NR4A1: variants seen among roughly 807,000 people sequenced by gnomAD.
NR4A1 encodes the protein nuclear receptor subfamily 4immunitygroup A member 1.
Under a neutral mutation model 47.5 loss-of-function variants are expected in NR4A1, and 24 were observed. That is an observed-to-expected ratio of 0.50 (90% CI 0.37 to 0.71). The LOEUF (loss-of-function observed/expected upper bound fraction) is 0.71, where lower values mean the gene tolerates loss of function less well. NR4A1 is among the 30% of genes least tolerant of loss of function. The pLI, the probability that NR4A1 is intolerant of heterozygous loss-of-function variation, is 0.00. For synonymous variants in NR4A1, 353 were observed against 345.7 expected (o/e 1.02, Z -0.24); for missense variants, 669 against 788.6 (o/e 0.85, Z 1.82).
intron 1 of NR4A1, chr12:52,038,768 G>A: frequency 1.3e-6 from 1 of 764,140 alleles, no homozygotes; most frequent in Non-Finnish European, 2.4e-6. Context: ...GCAGAAGGAT[G>A]GGCCGAGATT....
intron 1 of NR4A1, among the ~76,000 whole-genome samples, chr12:52,035,242 C>T (rs973719711): frequency 2.0e-5 from 3 of 152,176 alleles, no homozygotes; most frequent in South Asian, 2.1e-4. Context: ...CCAAAGCGTG[C>T]GTGTTCTGGC....
intron 1 of NR4A1, among the ~76,000 whole-genome samples, chr12:52,039,924 C>T (rs1226522844): frequency 2.0e-5 from 3 of 152,156 alleles, no homozygotes; most frequent in African/African-American, 2.4e-5. Flanking sequence ...AGAAGGCCCA[C>T]GTGATGGGAC....
Position 52,056,800 on chromosome 12 carries a change from C to A in NR4A1, c.1158+155C>A, listed in dbSNP as rs537817345. On this transcript the variant is annotated intron_variant, in intron 4 of 6. Coordinates refer to ENST00000394825, the MANE Select transcript of NR4A1 (RefSeq NM_173157.3). The stretch of plus-strand genomic sequence containing the variant: ...AGCGACTCCCTCCAGTTCGACAGAT[C>A]AAAGAGAGGATCCCCCTCTCGGCTG... The A allele has an allele frequency of 1.1e-4, 101 of 950,106 alleles. No homozygotes were observed. In the African/African-American group the frequency reaches 1.4e-3, roughly 13 times the overall value. 58.9% of individuals were successfully genotyped at this position (950,106 alleles called of 1,614,324 possible). A position where few individuals can be genotyped will look rare whatever the true frequency, so the allele number is the denominator to read the frequency against.
chr12:52,041,669 G>A, intron 1 of NR4A1: 1 of 949,762 alleles, frequency 1.1e-6, no homozygotes, highest in Non-Finnish European at 1.4e-6. Context: ...ACCCGGGGAG[G>A]TCCTTGGGCG....
At chr12:52,038,096 G>T (rs1019354569) in intron 1 of NR4A1, 2 of 967,962 alleles carry the variant, frequency 2.1e-6, no homozygotes, top group Non-Finnish European at 2.4e-6. Flanking sequence ...ATGGAGTCTC[G>T]CTCTGTTGCC....
intron 1 of NR4A1, among the ~76,000 whole-genome samples, chr12:52,033,963 T>C (rs1938185549): frequency 6.6e-6 from 1 of 152,032 alleles, no homozygotes; most frequent in African/African-American, 2.4e-5. Context: ...AGGATGGAGG[T>C]GGAGTGGAAG....
At chr12:52,025,428 T>C (rs2120899698) in intron 1 of NR4A1, among the ~76,000 whole-genome samples, 1 of 152,234 alleles carries the variant, frequency 6.6e-6, no homozygotes, top group South Asian at 2.1e-4. Context: ...TTTCCCCATC[T>C]CAGCGCCTTC....
In NR4A1 at chr12:52,054,801, TCGGCCA is replaced by T; in HGVS notation, c.475_480del (p.Gly159_His160del). The T allele has an allele frequency of 6.2e-7, 1 of 1,613,296 alleles. No homozygotes were observed. ...CAGCTCTCTCCCTGGGATGGCTCCTTCGGCCACTTCTCGCCCAGCCAGACTTACGAA... is the reference window on the plus strand; with the variant it reads ...CAGCTCTCTCCCTGGGATGGCTCCTTCTTCTCGCCCAGCCAGACTTACGAA... On this transcript the variant is annotated inframe_deletion, in exon 2 of 7. Coordinates refer to ENST00000394825, the MANE Select transcript of NR4A1 (RefSeq NM_173157.3).
At chr12:52,057,882 C>A (rs1350614796) in intron 6 of NR4A1, among the ~76,000 whole-genome samples, 2 of 152,232 alleles carry the variant, frequency 1.3e-5, no homozygotes, top group Non-Finnish European at 2.9e-5. Context: ...ACCGCACTTA[C>A]CCAACCAGCG....
At chr12:52,052,550 C>T in intron 1 of NR4A1, 1 of 985,464 alleles carries the variant, frequency 1.0e-6, no homozygotes, top group Non-Finnish European at 1.2e-6. Context: ...ACATTGTTGC[C>T]AAGACCTGCC....
chr12:52,058,436 C>T (rs1882116), intron 6 of NR4A1: 107,356 of 512,524 alleles, frequency 0.21, 13,740 homozygotes, highest in Admixed American at 0.43. Context: ...TTTTATTTCC[C>T]GTTTGTGACC....
At chr12:52,052,317 G>GAGAGAGAGAGAGAGAGAGAGAGAA (rs1939021815) in intron 1 of NR4A1, among the ~76,000 whole-genome samples, 1 of 150,968 alleles carries the variant, frequency 6.6e-6, no homozygotes, top group African/African-American at 2.5e-5. Flanking sequence ...GAGAGAGAGA[G>GAGAGAGAGAGAGAGAGAGAGAGAA]AGAGAGAGAG....
At chr12:52,031,441 A>G (rs1753783756) in intron 1 of NR4A1, among the ~76,000 whole-genome samples, 1 of 151,620 alleles carries the variant, frequency 6.6e-6, no homozygotes. Context: ...GTGTGAGACC[A>G]GCCTGGCCCA....
At chr12:52,051,234 C>G (rs1209642173), upstream of NR4A1, among the ~76,000 whole-genome samples, 1 of 152,162 alleles carries the variant, frequency 6.6e-6, no homozygotes, top group Non-Finnish European at 1.5e-5. Flanking sequence ...GCGTGCGTCA[C>G]GCGCGCAGAC....
intron 1 of NR4A1, among the ~76,000 whole-genome samples, chr12:52,024,552 C>CT (rs1280562194): frequency 6.6e-6 from 1 of 152,018 alleles, no homozygotes; most frequent in East Asian, 1.9e-4. Context: ...TAAAAATGAT[C>CT]TGAGTGTCTG....
intron 2 of NR4A1, chr12:52,045,350 G>A (rs988915222): frequency 1.1e-4 from 32 of 297,814 alleles, no homozygotes; most frequent in Admixed American, 2.2e-4. Context: ...CCACAGGGCC[G>A]AGTGTGGGAC....
rs1387042262 is a variant in NR4A1, at chr12:52,054,411, C to G, written c.83C>G (p.Pro28Arg). Reference sequence around the variant, plus strand: ...CACCTGGCAAGCGACCCCCTGACCCCTGAGTTCATCAAGCCCACCATGGAC... The same window carrying G: ...CACCTGGCAAGCGACCCCCTGACCCGTGAGTTCATCAAGCCCACCATGGAC... ...RDHLASDPLT[P>R]EFIKPTMDLA... Residue 28 changes from proline (P) to arginine (R), a missense_variant, in exon 2 of 7, where the codon CCT becomes CGT. Physicochemically the swap from Pro to Arg is moderately radical, Grantham distance 103. Coordinates refer to ENST00000394825, the MANE Select transcript of NR4A1 (RefSeq NM_173157.3). 1 of 1,613,866 alleles carries G rather than the reference C, an allele frequency of 6.2e-7. No homozygotes were observed. The highest frequency in any genetic ancestry group is 1.6e-4 in the Middle Eastern group (1 of 6,062).
chr12:52,023,537 G>C (rs1005613007), intron 1 of NR4A1, among the ~76,000 whole-genome samples: 10 of 152,112 alleles, frequency 6.6e-5, no homozygotes, highest in Admixed American at 5.2e-4. Context: ...GCCACACCGG[G>C]ACCTTCCCCT....
In NR4A1 at chr12:52,057,252, G is replaced by A; in HGVS notation, c.1354G>A (p.Ala452Thr). 1.9e-6 allele frequency: 3 copies of A among 1,613,644 alleles called. No individual in the cohort carries two copies. The highest frequency in any genetic ancestry group is 2.5e-6 in the Non-Finnish European group (3 of 1,179,774). The change falls in exon 5 of 7, where the codon GCG (alanine) becomes ACG (threonine). Residue 452 changes from alanine (A) to threonine (T), a missense_variant. Physicochemically the swap from Ala to Thr is moderately conservative, Grantham distance 58 (BLOSUM62 0). Coordinates refer to ENST00000394825, the MANE Select transcript of NR4A1 (RefSeq NM_173157.3). ...AFLELFILRLAYRSKPGEGKL... is the reference protein window; with the variant it reads ...AFLELFILRLTYRSKPGEGKL... ...CCTGGAGCTCTTCATCCTCCGCCTG[G>A]CGTACAGGTGAGAGCCACTGACTGT...
Sources: allele counts gnomAD v4.1 joint callset (sites outside exome capture counted in the v4.1 genomes callset), GRCh38; gene constraint gnomAD v4.1.1; transcripts MANE v1.5; gene names NCBI Gene and HGNC (gene_info 2026-07-23, HGNC 2026-07-21).